Variants in MIPOL1 observed in about 807,000 individuals in gnomAD.
MIPOL1 encodes mirror-image polydactyly gene 1 protein.
In MIPOL1, 57 loss-of-function variants were observed where a neutral mutation model predicts 60.9. That is an observed-to-expected ratio of 0.94 (90% CI 0.76 to 1.17). The LOEUF (loss-of-function observed/expected upper bound fraction) is 1.17, where lower values mean the gene tolerates loss of function less well. MIPOL1 is among the 50% of genes most tolerant of loss of function. MIPOL1 has a pLI of 0.00. For synonymous variants in MIPOL1, 179 were observed against 168.8 expected, an observed-to-expected ratio of 1.06 and a Z score of -0.47; for missense variants, 551 against 511.6, an observed-to-expected ratio of 1.08 and a Z score of -0.74.
intron 9 of MIPOL1, among the ~76,000 whole-genome samples, chr14:37,332,206 C>A (rs146532553): frequency 1.4e-3 from 213 of 151,576 alleles, no homozygotes; most frequent in African/African-American, 4.8e-3. Flanking sequence ...TCATTTATGG[C>A]CTTTGTCATG....
intron 10 of MIPOL1, among the ~76,000 whole-genome samples, chr14:37,374,704 A>C (rs939814900): frequency 2.6e-5 from 4 of 151,880 alleles, no homozygotes; most frequent in Non-Finnish European, 4.4e-5. Context: ...GTAGATGTGT[A>C]GTGTTATTTC....
intron 11 of MIPOL1, among the ~76,000 whole-genome samples, chr14:37,494,560 A>C (rs1160193976): frequency 2.0e-5 from 3 of 152,184 alleles, no homozygotes; most frequent in African/African-American, 7.2e-5. Context: ...GAGGTCAGTG[A>C]TGCAGGGCTT....
chr14:37,413,543 T>TCTTCATCTCAGGGTCAC (rs2093714184), intron 10 of MIPOL1, among the ~76,000 whole-genome samples: 1 of 152,234 alleles, frequency 6.6e-6, no homozygotes, highest in African/African-American at 2.4e-5. Context: ...TCCAGGGTAA[T>TCTTCATCTCAGGGTCAC]CTTCATCTCA....
intron 10 of MIPOL1, among the ~76,000 whole-genome samples, chr14:37,376,883 A>C (rs2092791567): frequency 6.6e-6 from 1 of 152,092 alleles, no homozygotes; most frequent in Admixed American, 6.6e-5. Context: ...TAGTTGTACC[A>C]TTTTGCTTTC....
At chr14:37,423,366 C>T (rs1466119752) in intron 11 of MIPOL1, among the ~76,000 whole-genome samples, 1 of 150,556 alleles carries the variant, frequency 6.6e-6, no homozygotes, top group Non-Finnish European at 1.5e-5. Context: ...GCAATAATAA[C>T]CTTTCATGTA....
intron 11 of MIPOL1, among the ~76,000 whole-genome samples, chr14:37,426,087 C>G (rs575770331): frequency 6.4e-4 from 97 of 151,996 alleles, no homozygotes; most frequent in African/African-American, 2.2e-3. Context: ...ATATTTATGG[C>G]TAATTTGAGG....
intron 11 of MIPOL1, among the ~76,000 whole-genome samples, chr14:37,468,172 G>C (rs2094627367): frequency 6.6e-6 from 1 of 151,964 alleles, no homozygotes; most frequent in Non-Finnish European, 1.5e-5. Context: ...ATACGTGTGT[G>C]TGTGTGTGTG....
intron 10 of MIPOL1, among the ~76,000 whole-genome samples, chr14:37,405,312 A>G (rs982617840): frequency 1.3e-5 from 2 of 152,160 alleles, no homozygotes; most frequent in African/African-American, 2.4e-5. Context: ...CCACATTCAT[A>G]TACAGAATTT....
Position 37,246,644 on chromosome 14 carries a change from G to A in MIPOL1, c.-198-459G>A, listed in dbSNP as rs550408817. The stretch of plus-strand genomic sequence containing the variant: ...TTGTTGCTTGCTTATGAATTAACTT[G>A]CATTTATGGAACTAAATCATTCCAA... On this transcript the variant is annotated intron_variant, in intron 1 of 12. Transcript: ENST00000684589. Among the ~76,000 whole-genome samples, 85 of 152,208 alleles carry A rather than the reference G, an allele frequency of 5.6e-4. 1 individual carries two copies. The highest frequency in any genetic ancestry group is 2.0e-3 in the African/African-American group (85 of 41,564).
At chr14:37,526,661 G>A (rs988516170) in intron 12 of MIPOL1, among the ~76,000 whole-genome samples, 4 of 151,748 alleles carry the variant, frequency 2.6e-5, no homozygotes, top group African/African-American at 4.8e-5. Context: ...GATTACAGGC[G>A]AGAGCCACCG....
intron 11 of MIPOL1, among the ~76,000 whole-genome samples, chr14:37,480,133 A>C (rs910516914): frequency 3.3e-5 from 5 of 152,106 alleles, no homozygotes; most frequent in Admixed American, 6.6e-5. Flanking sequence ...ATCCTTCTCT[A>C]ATCCTTCTAC....
At chr14:37,386,429 A>G (rs2093069729) in intron 10 of MIPOL1, among the ~76,000 whole-genome samples, 1 of 152,028 alleles carries the variant, frequency 6.6e-6, no homozygotes, top group Non-Finnish European at 1.5e-5. Flanking sequence ...GATGCAAAAG[A>G]GGAATAATTC....
intron 1 of MIPOL1, among the ~76,000 whole-genome samples, chr14:37,210,868 C>G (rs781458706): frequency 5.3e-5 from 8 of 152,064 alleles, no homozygotes. Context: ...AATTTTGTGG[C>G]CTTTCATTAG....
intron 1 of MIPOL1, among the ~76,000 whole-genome samples, chr14:37,200,850 ATGTGTGTGTGTGTG>A (rs56965903): frequency 0.012 from 1,056 of 87,032 alleles, 13 homozygotes; most frequent in Middle Eastern, 0.052. Context: ...ATATCTATCT[ATGTGTGTGTGTGTG>A]TGTGTGTGTG....
At chr14:37,543,611 C>A (rs1348828751) in intron 12 of MIPOL1, among the ~76,000 whole-genome samples, 1 of 152,146 alleles carries the variant, frequency 6.6e-6, no homozygotes, top group Non-Finnish European at 1.5e-5. Context: ...AATGTCATAA[C>A]ATAAATTTAT....
At chr14:37,296,908 C>T (rs1228357664) in intron 7 of MIPOL1, among the ~76,000 whole-genome samples, 2 of 152,188 alleles carry the variant, frequency 1.3e-5, no homozygotes, top group Non-Finnish European at 2.9e-5. Flanking sequence ...CCTTCTGAAA[C>T]TATTCCAATC....
intron 10 of MIPOL1, among the ~76,000 whole-genome samples, chr14:37,416,350 T>C (rs1407895165): frequency 1.3e-5 from 2 of 152,132 alleles, no homozygotes; most frequent in Non-Finnish European, 2.9e-5. Context: ...GGGGATACAT[T>C]TTGAGAAATG....
intron 10 of MIPOL1, among the ~76,000 whole-genome samples, chr14:37,422,529 A>G (rs2093891460): frequency 6.6e-6 from 1 of 152,032 alleles, no homozygotes; most frequent in Non-Finnish European, 1.5e-5. Context: ...TCTACTGTAG[A>G]TATTGCTCTG....
chr14:37,378,312 G>A (rs2092830983), intron 10 of MIPOL1, among the ~76,000 whole-genome samples: 1 of 151,992 alleles, frequency 6.6e-6, no homozygotes, highest in Non-Finnish European at 1.5e-5. Flanking sequence ...ACAGATGAAT[G>A]TCCACACAAT....
Sources: gnomAD v4.1 joint callset for allele counts (sites outside exome capture counted in the v4.1 genomes callset) on GRCh38, gnomAD v4.1.1 for gene constraint, MANE v1.5 for transcripts, NCBI Gene and HGNC (gene_info 2026-07-23, HGNC 2026-07-21) for gene names.